RNF175: variants seen among roughly 807,000 people sequenced by gnomAD.
RNF175 encodes the protein ring finger protein 175.
In RNF175, 38 loss-of-function variants were observed where a neutral mutation model predicts 50.0. The observed-to-expected ratio is 0.76, with a 90% CI of 0.59 to 1.00. RNF175 has a LOEUF of 1.00. Ranked by LOEUF, RNF175 falls within the 50% of genes least tolerant of loss-of-function variation. RNF175 has a pLI of 0.00. For missense variants in RNF175, 388 were observed against 409.6 expected (o/e 0.95, Z 0.46); for synonymous variants, 155 against 146.1 (o/e 1.06, Z -0.44).
intron 1 of RNF175, among the ~76,000 whole-genome samples, chr4:153,753,226 CG>C (rs1436896961): frequency 2.6e-5 from 4 of 152,254 alleles, no homozygotes; most frequent in African/African-American, 9.6e-5. Flanking sequence ...CTGTGGATTG[CG>C]GGCTCCTAGG....
intron 3 of RNF175, among the ~76,000 whole-genome samples, chr4:153,745,904 T>C (rs903759371): frequency 6.6e-6 from 1 of 152,264 alleles, no homozygotes; most frequent in African/African-American, 2.4e-5. Context: ...GCATTGAGTA[T>C]TATGTTTCCA....
At chr4:153,721,666 G>T (rs1477863778) in intron 5 of RNF175, among the ~76,000 whole-genome samples, 2 of 152,136 alleles carry the variant, frequency 1.3e-5, no homozygotes, top group African/African-American at 4.8e-5. Flanking sequence ...AAAAAAAATA[G>T]TTCCTTTTCT....
Position 153,731,993 on chromosome 4 carries a change from A to T in RNF175, c.247-3632T>A, listed in dbSNP as rs558212704. On this transcript the variant is annotated intron_variant, in intron 3 of 8. Transcript: ENST00000347063. ...ATGCCTGTAATCTGAGGACTTTGGGAGGCCGAGATGGGTGGATCCCTTGAG... is the reference window on the plus strand; with the variant it reads ...ATGCCTGTAATCTGAGGACTTTGGGTGGCCGAGATGGGTGGATCCCTTGAG... 5.3e-5 allele frequency among the ~76,000 whole-genome samples: 8 copies of T among 152,316 alleles called. No individual in the cohort carries two copies. The South Asian group carries it at 1.7e-3, about 32-fold the overall frequency.
chr4:153,740,998 T>C (rs1739626079), intron 3 of RNF175, among the ~76,000 whole-genome samples: 1 of 152,226 alleles, frequency 6.6e-6, no homozygotes, highest in Admixed American at 6.5e-5. Flanking sequence ...CCTTCTTATA[T>C]AGAGTCTAAG....
At chr4:153,713,014 C>T (rs557615866) in intron 7 of RNF175, 1 of 154,006 alleles carries the variant, frequency 6.5e-6, no homozygotes, top group South Asian at 2.1e-4. Context: ...GTCTTAGGCA[C>T]TTAGACAAGT....
chr4:153,723,444 C>A lies in RNF175; in HGVS notation c.416G>T (p.Trp139Leu). The A allele has an allele frequency of 1.9e-6, 3 of 1,574,132 alleles. No homozygotes were observed. The highest frequency in any genetic ancestry group is 2.6e-6 in the Non-Finnish European group (3 of 1,145,068). ...GCTGAGTTTGTAGATCAAAAGAAACCATTTGTAGACCAATCTGTGGAGTGA... is the reference window on the plus strand; with the variant it reads ...GCTGAGTTTGTAGATCAAAAGAAACAATTTGTAGACCAATCTGTGGAGTGA... ...SGRTPRLVYK[W>L]FLLIYKLSYA... Residue 139 changes from tryptophan to leucine, a missense_variant, in exon 5 of 9, where the codon TGG (tryptophan) becomes TTG (leucine). Transcript: ENST00000347063.
rs116158953 is a variant in RNF175, at chr4:153,748,694, G to A, written c.197C>T (p.Ala66Val). Residue 66 changes from alanine (A) to valine (V), a missense_variant, in exon 3 of 9, where the codon GCC (alanine) becomes GTC (valine). By Grantham distance (64) the Ala-to-Val change is moderately conservative. Coordinates refer to ENST00000347063, the MANE Select transcript of RNF175 (RefSeq NM_173662.4). The part of the protein sequence containing the change: ...ILIFLCVLVI[A>V]QIVLVQWRQR... ...TCTCCACTGAACCAGCACTATCTGG[G>A]CAATGACCAGAACGCAGAGGAAGAT... 2.6e-3 allele frequency: 4,118 copies of A among 1,605,472 alleles called. 11 individuals are homozygous for A. Among genetic ancestry groups the A allele is most frequent in the Non-Finnish European group, 3.3e-3 (3,918 of 1,176,022 alleles).
intron 6 of RNF175, among the ~76,000 whole-genome samples, chr4:153,716,775 A>C (rs772693013): frequency 3.3e-5 from 5 of 152,222 alleles, no homozygotes; most frequent in Non-Finnish European, 7.3e-5. Context: ...TTGATGTTGC[A>C]GTCTTGAGGT....
Position 153,759,868 on chromosome 4 carries a change from A to G in RNF175, c.-6T>C. 1 of 1,439,878 alleles carries G rather than the reference A, an allele frequency of 6.9e-7. No homozygotes were observed. The highest frequency in any genetic ancestry group is 9.1e-7 in the Non-Finnish European group (1 of 1,104,118). 89.2% of individuals were successfully genotyped at this position (1,439,878 alleles called of 1,614,324 possible). On this transcript the variant is annotated 5_prime_UTR_variant, in exon 1 of 9. Transcript: ENST00000347063. ...GCCGCCGTCCCCGCGGCCATGCCTG[A>G]GCCACTGTGCCTTCTCCAGGGCACA...
intron 1 of RNF175, among the ~76,000 whole-genome samples, chr4:153,753,359 G>T (rs574569127): frequency 2.7e-4 from 41 of 152,262 alleles, no homozygotes; most frequent in African/African-American, 9.9e-4. Flanking sequence ...CACAGGCCAA[G>T]AGGCACCAGG....
Position 153,728,455 on chromosome 4 carries a change from C to A in RNF175, c.247-94G>T, listed in dbSNP as rs1335689698. On this transcript the variant is annotated intron_variant, in intron 3 of 8. Transcript: ENST00000347063. The stretch of plus-strand genomic sequence containing the variant: ...TGAGTCTGAAGCATTGCTGGGAGAA[C>A]CACCTTCACCATCATGTCTGTACCA... The A allele has an allele frequency of 3.1e-5, 31 of 1,003,192 alleles. No homozygotes were observed. In the Admixed American group the frequency reaches 3.3e-4, roughly 11 times the overall value. 62.1% of individuals were successfully genotyped at this position (1,003,192 alleles called of 1,614,324 possible).
At chr4:153,723,222 A>G (rs1415700154) in intron 5 of RNF175, 129 bp downstream of exon 5, 13 of 537,976 alleles carry the variant, frequency 2.4e-5, no homozygotes, top group Non-Finnish European at 4.4e-5. Context: ...CTACGTGTGG[A>G]TATCTACTAT....
At chr4:153,756,454 C>G (rs1560800357) in intron 1 of RNF175, among the ~76,000 whole-genome samples, 1 of 152,136 alleles carries the variant, frequency 6.6e-6, no homozygotes, top group East Asian at 1.9e-4. Context: ...TCCTATCTAT[C>G]CAATTGCTCA....
At chr4:153,756,335 C>G (rs924064009) in intron 1 of RNF175, among the ~76,000 whole-genome samples, 15 of 152,140 alleles carry the variant, frequency 9.9e-5, no homozygotes, top group Admixed American at 3.3e-4. Flanking sequence ...TTGGGACTCT[C>G]TCTCTCAGAT....
At chr4:153,724,192 C>T (rs1234764833) in intron 4 of RNF175, among the ~76,000 whole-genome samples, 1 of 152,208 alleles carries the variant, frequency 6.6e-6, no homozygotes, top group East Asian at 1.9e-4. Flanking sequence ...AAGCCCTCCC[C>T]TCTGCTGGTT....
intron 3 of RNF175, among the ~76,000 whole-genome samples, chr4:153,740,248 TG>T (rs1369672431): frequency 6.6e-6 from 1 of 152,234 alleles, no homozygotes; most frequent in East Asian, 1.9e-4. Context: ...CATCTATACT[TG>T]GATGTTGTCT....
chr4:153,720,497 A>G, intron 5 of RNF175, 193 bp from the exon 6 acceptor site: 1 of 507,454 alleles, frequency 2.0e-6, no homozygotes, highest in Non-Finnish European at 3.5e-6. Context: ...TGTAGCACTC[A>G]GTGCCAACTG....
chr4:153,756,805 T>C (rs1259950476), intron 1 of RNF175, among the ~76,000 whole-genome samples: 2 of 152,080 alleles, frequency 1.3e-5, no homozygotes, highest in African/African-American at 4.8e-5. Context: ...GAAAATAAAA[T>C]GTGTGATAAA....
chr4:153,740,326 GA>G (rs1560788068), intron 3 of RNF175, among the ~76,000 whole-genome samples: 1 of 151,808 alleles, frequency 6.6e-6, no homozygotes, highest in Non-Finnish European at 1.5e-5. Flanking sequence ...ATTTTTAATT[GA>G]AAAATAATAA....
Sources: allele counts gnomAD v4.1 joint callset (sites outside exome capture counted in the v4.1 genomes callset), GRCh38; gene constraint gnomAD v4.1.1; transcripts MANE v1.5; gene names NCBI Gene and HGNC (gene_info 2026-07-23, HGNC 2026-07-21).